The following CUEDC1 variants were observed in gnomAD, a reference collection of about 807,000 sequenced individuals.
CUEDC1 encodes CUE domain-containing protein 1.
A neutral mutation model predicts 43.7 loss-of-function variants in CUEDC1; 30 were observed. The observed-to-expected ratio is 0.69, with a 90% CI of 0.51 to 0.93. The LOEUF (loss-of-function observed/expected upper bound fraction) is 0.93, where lower values mean the gene tolerates loss of function less well. Among genes scored for constraint, CUEDC1 ranks in the 40% least tolerant of loss-of-function variants. The pLI is 0.00. For missense variants in CUEDC1, 486 were observed against 549.0 expected (o/e 0.89, Z 1.15); for synonymous variants, 223 against 223.6 (o/e 1.00, Z 0.02).
intron 1 of CUEDC1, among the ~76,000 whole-genome samples, chr17:57,934,670 G>C (rs564338093): frequency 6.7e-6 from 1 of 150,152 alleles, no homozygotes; most frequent in East Asian, 2.0e-4. Flanking sequence ...TTCCTTAACA[G>C]ATACATAGAG....
chr17:57,890,712 G>A (rs921374716), intron 1 of CUEDC1, among the ~76,000 whole-genome samples: 4 of 152,154 alleles, frequency 2.6e-5, no homozygotes, highest in African/African-American at 4.8e-5. Flanking sequence ...AGTCACTCCC[G>A]GCTTGGCCCA....
intron 2 of CUEDC1, among the ~76,000 whole-genome samples, chr17:57,883,600 G>T (rs142036489): frequency 0.012 from 1,797 of 152,262 alleles, 28 homozygotes; most frequent in African/African-American, 0.041. Flanking sequence ...GCACATGCAT[G>T]TAGTCCCAGC....
chr17:57,900,203 C>T (rs1262810164), intron 1 of CUEDC1, among the ~76,000 whole-genome samples: 3 of 152,192 alleles, frequency 2.0e-5, no homozygotes, highest in Non-Finnish European at 4.4e-5. Context: ...AGCTTCCTTT[C>T]GCCTCCCGAG....
intron 1 of CUEDC1, among the ~76,000 whole-genome samples, chr17:57,925,612 C>A (rs1016214938): frequency 1.8e-4 from 27 of 152,146 alleles, no homozygotes; most frequent in African/African-American, 5.8e-4. Flanking sequence ...CCCTGAGAGA[C>A]CCCCAGCAGA....
intron 10 of CUEDC1, 55 bp downstream of exon 10, chr17:57,866,419 T>C: frequency 6.5e-7 from 1 of 1,549,052 alleles, no homozygotes; most frequent in Non-Finnish European, 8.9e-7. Flanking sequence ...GGGTGCATAG[T>C]GTGGGGGGCC....
At chr17:57,868,480 T>C (rs1367798572) in intron 7 of CUEDC1, 2 of 549,606 alleles carry the variant, frequency 3.6e-6, no homozygotes, top group Admixed American at 3.2e-5. Context: ...CAGGACACCC[T>C]GAGCCAGGCC....
chr17:57,945,473 C>A (rs751330603), intron 1 of CUEDC1, among the ~76,000 whole-genome samples: 1 of 152,168 alleles, frequency 6.6e-6, no homozygotes, highest in Non-Finnish European at 1.5e-5. Context: ...CAAAGACATC[C>A]GCATAAACAT....
chr17:57,935,123 T>C (rs2074847543), intron 1 of CUEDC1, among the ~76,000 whole-genome samples: 2 of 152,242 alleles, frequency 1.3e-5, no homozygotes, highest in African/African-American at 4.8e-5. Context: ...TCAGCTTTCT[T>C]ACTAAAACTC....
In CUEDC1 at chr17:57,871,187, T is replaced by C. The variant is rs180810295; in HGVS notation, c.868+99A>G. On this transcript the variant is annotated intron_variant, in intron 6 of 10. Transcript: ENST00000577830. ...GGCCCAGGCCCCCTCCCACAATCTG[T>C]TTTTTCACCCTCCTCTCAAACTCCA... 26 of 998,244 alleles carry C rather than the reference T, an allele frequency of 2.6e-5. No individual in the cohort carries two copies. The East Asian group carries it at 5.5e-4, about 21-fold the overall frequency. The allele number at this position is 998,244 out of a possible 1,614,324, so 61.8% of individuals were successfully genotyped here.
intron 1 of CUEDC1, among the ~76,000 whole-genome samples, chr17:57,947,034 C>T (rs1211891776): frequency 2.0e-5 from 3 of 151,946 alleles, no homozygotes; most frequent in African/African-American, 7.3e-5. Flanking sequence ...GAAACCGAAA[C>T]TAATCTCAGA....
intron 10 of CUEDC1, among the ~76,000 whole-genome samples, chr17:57,864,043 GATTC>G (rs901984421): frequency 3.4e-5 from 5 of 149,082 alleles, no homozygotes; most frequent in Non-Finnish European, 7.5e-5. Flanking sequence ...GAAAAAAAAA[GATTC>G]ATTCAAAGAG....
Position 57,930,421 on chromosome 17 carries a change from C to T in CUEDC1, c.-316+24804G>A, listed in dbSNP as rs1011416872. 1.3e-5 allele frequency among the ~76,000 whole-genome samples: 2 copies of T among 152,236 alleles called. No individual in the cohort carries two copies. Among genetic ancestry groups the T allele is most frequent in the African/African-American group, 4.8e-5 (2 of 41,468 alleles). On this transcript the variant is annotated intron_variant, in intron 1 of 10. Transcript: ENST00000577830. The surrounding 1 kb of genome is among the most constrained non-coding windows in gnomAD (Gnocchi z 4.2). ...CCAACTCCAGGCTGAGTCTGGGATG[C>T]CCAGGGGCCCTTTTATCCTGAGTCA...
Position 57,885,279 on chromosome 17 carries a change from C to T in CUEDC1, c.286G>A (p.Gly96Ser), listed in dbSNP as rs1286968819. The T allele has an allele frequency of 2.1e-5, 34 of 1,606,032 alleles. No homozygotes were observed. The highest frequency in any genetic ancestry group is 2.6e-5 in the Non-Finnish European group (30 of 1,176,074). Residue 96 changes from glycine (G) to serine (S), a missense_variant, in exon 2 of 11, where the codon GGC (glycine) becomes AGC (serine). Coordinates refer to ENST00000577830, the MANE Select transcript of CUEDC1 (RefSeq NM_001271875.2). ...QMNLEGGGSSGGVYEDSSDSE... is the reference protein window; with the variant it reads ...QMNLEGGGSSSGVYEDSSDSE... The stretch of plus-strand genomic sequence containing the variant: ...TCGGAGCTGTCCTCATAGACGCCGC[C>T]GCTGCTGCCACCGCCCTCCAGGTTC...
chr17:57,868,776 A>AC, intron 7 of CUEDC1, among the ~76,000 whole-genome samples: 1 of 151,326 alleles, frequency 6.6e-6, no homozygotes, highest in South Asian at 2.1e-4. Flanking sequence ...GAGGTCCCCC[A>AC]CCCCCACAGA....
intron 1 of CUEDC1, among the ~76,000 whole-genome samples, chr17:57,941,324 T>C (rs573307544): frequency 4.6e-5 from 7 of 152,232 alleles, no homozygotes; most frequent in African/African-American, 9.6e-5. Context: ...TGTCAGGAAC[T>C]GGTGTCTGGG....
rs187569139 is a variant in CUEDC1, at chr17:57,945,225, C to T, written c.-316+10000G>A. On this transcript the variant is annotated intron_variant, in intron 1 of 10. Coordinates refer to ENST00000577830, the MANE Select transcript of CUEDC1 (RefSeq NM_001271875.2). ...CGCACAAAAGCCTGCTTTGCCACCA[C>T]AACTCATTGAAATGGATGTTTCCAA... is the stretch of plus-strand genomic sequence containing the variant. 2.8e-3 allele frequency among the ~76,000 whole-genome samples: 429 copies of T among 152,308 alleles called. 2 individuals are homozygous for T. Among genetic ancestry groups the T allele is most frequent in the South Asian group, 0.019 (93 of 4,826 alleles).
In CUEDC1 at chr17:57,873,670, C is replaced by T. The variant is rs771477139; in HGVS notation, c.512G>A (p.Arg171Gln). 3.7e-6 allele frequency: 6 copies of T among 1,604,688 alleles called. No homozygotes were observed. The highest frequency in any genetic ancestry group is 5.1e-6 in the Non-Finnish European group (6 of 1,175,538). ...SGAPTSQRRYRNWNPPLLGNL... is the reference protein window; with the variant it reads ...SGAPTSQRRYQNWNPPLLGNL... ...GCCCAGCAGTGGTGGGTTCCAGTTCCGATAGCGTCTCTGGCTTGTAGGGGC... is the reference window on the plus strand; with the variant it reads ...GCCCAGCAGTGGTGGGTTCCAGTTCTGATAGCGTCTCTGGCTTGTAGGGGC... Residue 171 changes from arginine (R) to glutamine (Q), a missense_variant, in exon 4 of 11, where the codon CGG (arginine) becomes CAG (glutamine). Coordinates refer to ENST00000577830, the MANE Select transcript of CUEDC1 (RefSeq NM_001271875.2).
At chr17:57,907,127 A>G (rs2074537453) in intron 1 of CUEDC1, among the ~76,000 whole-genome samples, 1 of 152,118 alleles carries the variant, frequency 6.6e-6, no homozygotes, top group Non-Finnish European at 1.5e-5. Flanking sequence ...GGGCTGGGAG[A>G]CAATGACACC....
chr17:57,937,195 A>C (rs1394822709), intron 1 of CUEDC1, among the ~76,000 whole-genome samples: 1 of 152,172 alleles, frequency 6.6e-6, no homozygotes, highest in Non-Finnish European at 1.5e-5. Context: ...TTCTATTAAT[A>C]ATATTAGTTA....
Sources: gnomAD v4.1 joint callset for allele counts (sites outside exome capture counted in the v4.1 genomes callset) on GRCh38, gnomAD v4.1.1 for gene constraint, Gnocchi (gnomAD v3.1) non-coding constraint, MANE v1.5 for transcripts, NCBI Gene and HGNC (gene_info 2026-07-23, HGNC 2026-07-21) for gene names.